PIGN: variants seen among roughly 807,000 people sequenced by gnomAD.
The protein encoded by PIGN is phosphatidylinositol glycan anchor biosynthesis class N.
Under a neutral mutation model 125.4 loss-of-function variants are expected in PIGN, and 117 were observed. That is an observed-to-expected ratio of 0.93 (90% CI 0.80 to 1.09). The LOEUF (loss-of-function observed/expected upper bound fraction) is 1.09. Among genes scored for constraint, PIGN ranks in the 50% least tolerant of loss-of-function variants. The pLI, the probability that PIGN is intolerant of heterozygous loss-of-function variation, is 0.00. For synonymous variants in PIGN, 392 were observed against 377.8 expected (o/e 1.04, Z -0.44); for missense variants, 1,075 against 1,094.9 (o/e 0.98, Z 0.26).
chr18:62,085,266 T>A lies in PIGN; in HGVS notation c.2371-2A>T, dbSNP rs753308994. 6.5e-7 allele frequency: 1 copy of A among 1,540,078 alleles called. No homozygotes were observed. On this transcript the variant is annotated splice_acceptor_variant, in intron 25 of 30. Transcript: ENST00000640252. LOFTEE classifies it high-confidence loss of function. ...AAATGCTGTCACTAAGAAGAAAACC[T>A]AAAGGGAGTCAAGGAAATGGCAAAA...
intron 4 of PIGN, among the ~76,000 whole-genome samples, chr18:62,159,894 A>G (rs576078154): frequency 2.2e-4 from 33 of 152,304 alleles, no homozygotes; most frequent in Non-Finnish European, 3.2e-4. Flanking sequence ...CAGGTGGATC[A>G]TGAGGTCAGG....
chr18:62,175,055 T>C (rs2037475437), intron 1 of PIGN, among the ~76,000 whole-genome samples: 2 of 131,064 alleles, frequency 1.5e-5, no homozygotes. Flanking sequence ...ATATATATTT[T>C]TATATATAAT....
chr18:62,099,182 T>C lies in PIGN; in HGVS notation c.2077+1893A>G, dbSNP rs540931743. Among the ~76,000 whole-genome samples the C allele has an allele frequency of 2.0e-5, 3 of 152,148 alleles. No homozygotes were observed. The South Asian group carries it at 6.2e-4, about 32-fold the overall frequency. ...TGGCATATAAAGCAAAACCTAACTC[T>C]ACGCAGAATACAGGAACTAATCTTA... On this transcript the variant is annotated intron_variant, in intron 22 of 30. Coordinates refer to ENST00000640252, the MANE Select transcript of PIGN (RefSeq NM_176787.5).
At chr18:62,118,131 T>C (rs1306958462) in intron 14 of PIGN, among the ~76,000 whole-genome samples, 4 of 152,102 alleles carry the variant, frequency 2.6e-5, no homozygotes, top group African/African-American at 9.7e-5. Context: ...TATATATGTA[T>C]ACATGATATA....
chr18:62,182,329 A>AG (rs2147999997), intron 1 of PIGN, among the ~76,000 whole-genome samples: 1 of 28,274 alleles, frequency 3.5e-5, no homozygotes, highest in Non-Finnish European at 1.0e-4. Flanking sequence ...AAAGACACTC[A>AG]ACTAAGTAGG....
At chr18:62,087,787 C>T (rs1029874234) in intron 25 of PIGN, among the ~76,000 whole-genome samples, 1 of 152,140 alleles carries the variant, frequency 6.6e-6, no homozygotes, top group East Asian at 1.9e-4. Context: ...ATACGAGGAA[C>T]TCCTACAGCT....
At chr18:62,076,347 TA>T (rs1363379875) in intron 28 of PIGN, among the ~76,000 whole-genome samples, 3 of 152,336 alleles carry the variant, frequency 2.0e-5, no homozygotes, top group South Asian at 2.1e-4. Context: ...CTAATTAAAT[TA>T]TTTTTTTACT....
intron 30 of PIGN, among the ~76,000 whole-genome samples, chr18:62,057,584 G>C (rs929761260): frequency 1.3e-5 from 2 of 152,090 alleles, no homozygotes; most frequent in African/African-American, 2.4e-5. Flanking sequence ...CCCTCCAATA[G>C]GTTCTTTACA....
chr18:62,063,074 C>T (rs2032277473), intron 30 of PIGN, among the ~76,000 whole-genome samples: 1 of 150,762 alleles, frequency 6.6e-6, no homozygotes, highest in Non-Finnish European at 1.5e-5. Flanking sequence ...AGCATCAACA[C>T]TCATGAGAGG....
chr18:62,079,817 A>G (rs575011148), intron 28 of PIGN, among the ~76,000 whole-genome samples: 1 of 152,046 alleles, frequency 6.6e-6, no homozygotes, highest in East Asian at 1.9e-4. Context: ...TAATTTTAAT[A>G]AATTAAAAAT....
intron 16 of PIGN, chr18:62,110,266 G>T: frequency 5.9e-6 from 1 of 169,072 alleles, no homozygotes; most frequent in Non-Finnish European, 9.8e-6. Context: ...TTCTGAACAT[G>T]TTTCCTTTTA....
intron 1 of PIGN, among the ~76,000 whole-genome samples, chr18:62,168,000 C>A (rs963250153): frequency 1.3e-5 from 2 of 151,994 alleles, no homozygotes; most frequent in Admixed American, 1.3e-4. Context: ...TTGAGACCAG[C>A]CTGACCAAAA....
chr18:62,082,882 CTGAA>C, intron 27 of PIGN, 136 bp from the exon 28 acceptor site: 1 of 560,340 alleles, frequency 1.8e-6, no homozygotes, highest in East Asian at 2.9e-5. Context: ...AGAGCAAACA[CTGAA>C]ATAAAAGCAT....
intron 2 of PIGN, among the ~76,000 whole-genome samples, chr18:62,163,283 C>T (rs7231105): frequency 0.58 from 88,611 of 151,892 alleles, 26,621 homozygotes; most frequent in East Asian, 0.79. Flanking sequence ...AAAAGGACTA[C>T]GGTACACCTA....
chr18:62,150,700 T>G (rs558890483), intron 7 of PIGN, among the ~76,000 whole-genome samples: 2 of 151,674 alleles, frequency 1.3e-5, no homozygotes, highest in African/African-American at 4.8e-5. Flanking sequence ...TTATTTTTTT[T>G]GTTTGTTTGT....
chr18:62,051,067 G>A (rs1295862290), intron 30 of PIGN, among the ~76,000 whole-genome samples: 1 of 149,006 alleles, frequency 6.7e-6, no homozygotes, highest in African/African-American at 2.5e-5. Flanking sequence ...GATCATGGTG[G>A]ATAAGCTTTT....
intron 23 of PIGN, among the ~76,000 whole-genome samples, chr18:62,031,117 T>C (rs1393813729): frequency 6.6e-6 from 1 of 152,202 alleles, no homozygotes; most frequent in Non-Finnish European, 1.5e-5. Context: ...AATTGAATCA[T>C]GGGAGTGGTT....
rs566484388 is a variant in PIGN, at chr18:62,029,754, T to A, written c.2143-12013A>T. 2.0e-5 allele frequency among the ~76,000 whole-genome samples: 3 copies of A among 152,254 alleles called. 1 individual carries two copies. The South Asian group carries it at 6.2e-4, about 32-fold the overall frequency. On this transcript the variant is annotated intron_variant, in intron 23 of 24. Coordinates refer to the PIGN transcript ENST00000639600. Reference sequence around the variant, plus strand: ...AGCAGGAGAAGATACTGGCCTTTCATTAAACTTCATCTAATTCCTCGGCAG... The same window carrying A: ...AGCAGGAGAAGATACTGGCCTTTCAATAAACTTCATCTAATTCCTCGGCAG...
At chr18:62,019,144 G>C (rs2144855411) in intron 23 of PIGN, among the ~76,000 whole-genome samples, 1 of 152,260 alleles carries the variant, frequency 6.6e-6, no homozygotes, top group Admixed American at 6.5e-5. Context: ...AGGAGTTTCA[G>C]GCTGCAGTGA....
Sources: gnomAD v4.1 joint callset for allele counts (sites outside exome capture counted in the v4.1 genomes callset) on GRCh38, gnomAD v4.1.1 for gene constraint, MANE v1.5 for transcripts, NCBI Gene and HGNC (gene_info 2026-07-23, HGNC 2026-07-21) for gene names.